The following KLHL1 variants were observed in gnomAD, a reference collection of about 807,000 sequenced individuals.
The protein encoded by KLHL1 is kelch-like protein 1.
A neutral mutation model predicts 77.7 loss-of-function variants in KLHL1; 47 were observed. That is an observed-to-expected ratio of 0.60 (90% CI 0.48 to 0.77). KLHL1 has a LOEUF of 0.77. Ranked by LOEUF, KLHL1 falls within the 30% of genes least tolerant of loss-of-function variation. The pLI is 0.00. For missense variants in KLHL1, 925 were observed against 910.8 expected, an observed-to-expected ratio of 1.02 and a Z score of -0.20; for synonymous variants, 360 against 325.2, an observed-to-expected ratio of 1.11 and a Z score of -1.15.
chr13:69,810,089 G>T (rs1296766052), intron 6 of KLHL1, among the ~76,000 whole-genome samples: 1 of 152,102 alleles, frequency 6.6e-6, no homozygotes, highest in Admixed American at 6.6e-5. Flanking sequence ...CAAAGTAATA[G>T]TGGCAGACTG....
chr13:69,750,093 T>C (rs1455759436), intron 7 of KLHL1, among the ~76,000 whole-genome samples: 1 of 151,580 alleles, frequency 6.6e-6, no homozygotes, highest in Non-Finnish European at 1.5e-5. Flanking sequence ...TTTAAATTTA[T>C]TTTGATTTAA....
chr13:69,971,099 C>T (rs1566459052), intron 2 of KLHL1, among the ~76,000 whole-genome samples: 1 of 152,048 alleles, frequency 6.6e-6, no homozygotes, highest in Non-Finnish European at 1.5e-5. Context: ...CCCAGATTGC[C>T]TGGGTTTGAG....
chr13:69,840,101 A>G (rs1879185522), intron 5 of KLHL1, among the ~76,000 whole-genome samples: 1 of 152,082 alleles, frequency 6.6e-6, no homozygotes, highest in Admixed American at 6.6e-5. Flanking sequence ...AATGAATAAA[A>G]ATGGCAGCAT....
At chr13:70,048,653 G>T (rs1218952006) in intron 1 of KLHL1, among the ~76,000 whole-genome samples, 1 of 152,172 alleles carries the variant, frequency 6.6e-6, no homozygotes, top group Non-Finnish European at 1.5e-5. Flanking sequence ...CCTCACATGC[G>T]CAGTTCACAA....
intron 1 of KLHL1, among the ~76,000 whole-genome samples, chr13:70,085,427 A>G (rs1005903709): frequency 1.4e-4 from 22 of 152,222 alleles, no homozygotes; most frequent in Non-Finnish European, 2.9e-5. Context: ...ATCTACCTTG[A>G]AAAAGAAACA....
At chr13:69,949,374 A>G (rs1175763155) in intron 3 of KLHL1, among the ~76,000 whole-genome samples, 1 of 151,738 alleles carries the variant, frequency 6.6e-6, no homozygotes, top group Non-Finnish European at 1.5e-5. Context: ...AATATTTCAT[A>G]AAATGTTCTT....
At chr13:69,763,702 A>G (rs1875129619) in intron 7 of KLHL1, among the ~76,000 whole-genome samples, 1 of 152,246 alleles carries the variant, frequency 6.6e-6, no homozygotes, top group Non-Finnish European at 1.5e-5. Flanking sequence ...ATTAAACAAA[A>G]TGATGGGAAG....
chr13:69,988,056 CAGGTACA>C (rs993839162), intron 1 of KLHL1, among the ~76,000 whole-genome samples: 1 of 151,648 alleles, frequency 6.6e-6, no homozygotes, highest in Non-Finnish European at 1.5e-5. Flanking sequence ...TTTTGTCACC[CAGGTACA>C]AGCATAATAC....
intron 6 of KLHL1, among the ~76,000 whole-genome samples, chr13:69,837,656 A>ATATGTGTGTG (rs36068601): frequency 6.6e-5 from 9 of 137,144 alleles, no homozygotes; most frequent in African/African-American, 2.6e-4. Context: ...GTATATATAT[A>ATATGTGTGTG]TGTGTGTGTG....
chr13:70,008,048 C>G (rs2049893), intron 1 of KLHL1, among the ~76,000 whole-genome samples: 1 of 151,826 alleles, frequency 6.6e-6, no homozygotes, highest in Non-Finnish European at 1.5e-5. Flanking sequence ...ATGATTGGCT[C>G]TTACTATTTG....
chr13:69,705,444 T>C (rs982132356), intron 10 of KLHL1, among the ~76,000 whole-genome samples: 1 of 151,734 alleles, frequency 6.6e-6, no homozygotes, highest in Non-Finnish European at 1.5e-5. Flanking sequence ...TAATATAGTT[T>C]GCTTATTTAA....
chr13:70,020,266 A>G (rs1407903490), intron 1 of KLHL1, among the ~76,000 whole-genome samples: 1 of 152,176 alleles, frequency 6.6e-6, no homozygotes, highest in African/African-American at 2.4e-5. Context: ...AGTGGCATCA[A>G]TATGCAAATA....
intron 6 of KLHL1, among the ~76,000 whole-genome samples, chr13:69,820,180 G>A (rs1468231423): frequency 1.3e-5 from 2 of 152,014 alleles, no homozygotes; most frequent in Non-Finnish European, 2.9e-5. Flanking sequence ...ATTTTATATT[G>A]TCTCCTCAAA....
chr13:70,066,261 A>G (rs1887002660), intron 1 of KLHL1, among the ~76,000 whole-genome samples: 1 of 152,210 alleles, frequency 6.6e-6, no homozygotes, highest in Non-Finnish European at 1.5e-5. Context: ...GGGTAAAGTT[A>G]CTAATTTAGT....
At chr13:69,891,703 G>C (rs1881429380) in intron 4 of KLHL1, among the ~76,000 whole-genome samples, 1 of 151,700 alleles carries the variant, frequency 6.6e-6, no homozygotes, top group Admixed American at 6.6e-5. Context: ...AATATCAATT[G>C]ATATTAGAAA....
At chr13:69,993,818 T>G (rs1297797812) in intron 1 of KLHL1, among the ~76,000 whole-genome samples, 2 of 152,078 alleles carry the variant, frequency 1.3e-5, no homozygotes, top group Admixed American at 1.3e-4. Flanking sequence ...CATTTTCCAA[T>G]TTGAGTGTTT....
At chr13:69,860,575 C>T (rs573534003) in intron 5 of KLHL1, among the ~76,000 whole-genome samples, 2 of 151,970 alleles carry the variant, frequency 1.3e-5, no homozygotes, top group East Asian at 1.9e-4. Context: ...GCTTAATAAA[C>T]ATGAACAAGT....
rs530386534 is a variant in KLHL1, at chr13:69,774,690, G to A, written c.1639+22048C>T. 2.9e-4 allele frequency among the ~76,000 whole-genome samples: 44 copies of A among 151,974 alleles called. No individual in the cohort carries two copies. In the East Asian group the frequency reaches 6.6e-3, roughly 23 times the overall value. ...AAAAAAAACACACACACACAAGCAAGTAGAAATAGCCTATAGTATTCTGTT... is the reference window on the plus strand; with the variant it reads ...AAAAAAAACACACACACACAAGCAAATAGAAATAGCCTATAGTATTCTGTT... On this transcript the variant is annotated intron_variant, in intron 7 of 10. Transcript: ENST00000377844.
At chr13:69,921,932 T>C (rs1356532680) in intron 4 of KLHL1, among the ~76,000 whole-genome samples, 4 of 149,790 alleles carry the variant, frequency 2.7e-5, no homozygotes, top group African/African-American at 4.9e-5. Flanking sequence ...TTTTTTTTTT[T>C]TTTTTTTTTT....
Sources: allele counts gnomAD v4.1 joint callset (sites outside exome capture counted in the v4.1 genomes callset), GRCh38; gene constraint gnomAD v4.1.1; transcripts MANE v1.5; gene names NCBI Gene and HGNC (gene_info 2026-07-23, HGNC 2026-07-21).